The following RNF220 variants were observed in gnomAD, a reference collection of about 807,000 sequenced individuals.
RNF220 encodes ring finger protein 220.
A neutral mutation model predicts 67.1 loss-of-function variants in RNF220; 7 were observed. That is an observed-to-expected ratio of 0.10 (90% CI 0.06 to 0.20). The LOEUF is 0.20. Ranked by LOEUF, RNF220 falls within the 10% of genes least tolerant of loss-of-function variation. The pLI is 1.00. For synonymous variants in RNF220, 270 were observed against 283.2 expected (o/e 0.95, Z 0.47); for missense variants, 565 against 740.3 (o/e 0.76, Z 2.75).
At chr1:44,478,272 A>G (rs1572626884) in intron 2 of RNF220, among the ~76,000 whole-genome samples, 2 of 152,086 alleles carry the variant, frequency 1.3e-5, no homozygotes, top group African/African-American at 2.4e-5. Flanking sequence ...TACTCAAATC[A>G]TGGTACTTGG....
intron 2 of RNF220, among the ~76,000 whole-genome samples, chr1:44,520,124 T>TGAGA (rs1408246901): frequency 7.0e-6 from 1 of 142,712 alleles, no homozygotes; most frequent in African/African-American, 2.7e-5. Flanking sequence ...TGTGTGTGTG[T>TGAGA]GTGTGAGAGA....
chr1:44,454,670 G>A (rs977526419), intron 2 of RNF220, among the ~76,000 whole-genome samples: 1 of 149,124 alleles, frequency 6.7e-6, no homozygotes, highest in Non-Finnish European at 1.5e-5. Flanking sequence ...TTTTTTTTAA[G>A]TCAGATTTAT....
rs994409006 is a variant in RNF220 at position 44,494,362 on chromosome 1, A to T, written c.625+81640A>T. ...TGATTGATGTACAAGCGAGAAAAAG[A>T]AATTAATTCAACTAGAGATATTCTC... is the stretch of plus-strand genomic sequence containing the variant. On this transcript the variant is annotated intron_variant, in intron 2 of 14. Transcript: ENST00000361799. Among the ~76,000 whole-genome samples, 4 of 152,216 alleles carry T rather than the reference A, an allele frequency of 2.6e-5. No homozygotes were observed. The East Asian group carries it at 7.7e-4, about 29-fold the overall frequency.
Position 44,520,503 on chromosome 1 carries a change from C to T in RNF220, c.626-93662C>T, listed in dbSNP as rs536031554. On this transcript the variant is annotated intron_variant, in intron 2 of 14. Coordinates refer to ENST00000361799, the MANE Select transcript of RNF220 (RefSeq NM_018150.4). ...GAAACTACATGACTCTCAGTTCTGACGTTCATGGGCAACTTAACTCCCTGC... is the reference window on the plus strand; with the variant it reads ...GAAACTACATGACTCTCAGTTCTGATGTTCATGGGCAACTTAACTCCCTGC... 1.0e-3 allele frequency among the ~76,000 whole-genome samples: 153 copies of T among 152,234 alleles called. 2 individuals are homozygous for T. Among genetic ancestry groups the T allele is most frequent in the African/African-American group, 3.4e-3 (140 of 41,566 alleles).
chr1:44,454,817 C>A (rs1308767588), intron 2 of RNF220, among the ~76,000 whole-genome samples: 1 of 152,114 alleles, frequency 6.6e-6, no homozygotes, highest in East Asian at 1.9e-4. Flanking sequence ...TCCCTTCATT[C>A]CCCTTTGTAG....
intron 5 of RNF220, among the ~76,000 whole-genome samples, chr1:44,628,994 G>A (rs574875655): frequency 2.6e-5 from 4 of 152,356 alleles, no homozygotes; most frequent in South Asian, 4.1e-4. Context: ...TGCTGTGGTT[G>A]ACTGGGCATT....
intron 2 of RNF220, among the ~76,000 whole-genome samples, chr1:44,550,091 T>C (rs1662504822): frequency 6.6e-6 from 1 of 152,208 alleles, no homozygotes; most frequent in Non-Finnish European, 1.5e-5. Context: ...TCAGGCCCTA[T>C]GGCTCAATTG....
At chr1:44,407,867 G>A (rs1023783081) in intron 1 of RNF220, among the ~76,000 whole-genome samples, 1 of 152,292 alleles carries the variant, frequency 6.6e-6, no homozygotes, top group Non-Finnish European at 1.5e-5. Flanking sequence ...GCTGCTCGGG[G>A]GCTGGAGGTC....
At chr1:44,500,861 G>C (rs1657781534) in intron 2 of RNF220, among the ~76,000 whole-genome samples, 1 of 152,180 alleles carries the variant, frequency 6.6e-6, no homozygotes, top group Admixed American at 6.5e-5. Flanking sequence ...TTGGTCTGCG[G>C]CTCCAGGTCC....
rs533245228 is a variant in RNF220, at chr1:44,568,792, T to C, written c.626-45373T>C. On this transcript the variant is annotated intron_variant, in intron 2 of 14. Coordinates refer to ENST00000361799, the MANE Select transcript of RNF220 (RefSeq NM_018150.4). ...AACATGTTGTGTAGCTTAGAACTTA[T>C]TATCTCTGTGCCCTTTTATTCTTTC... 5.3e-5 allele frequency among the ~76,000 whole-genome samples: 8 copies of C among 152,288 alleles called. No individual in the cohort carries two copies. The South Asian group carries it at 1.5e-3, about 28-fold the overall frequency.
At chr1:44,450,742 C>CATGAA (rs1652585319) in intron 2 of RNF220, among the ~76,000 whole-genome samples, 2 of 152,130 alleles carry the variant, frequency 1.3e-5, no homozygotes, top group Non-Finnish European at 2.9e-5. Context: ...AATTTACTTC[C>CATGAA]AGTTTTTCAT....
chr1:44,635,471 A>C, intron 6 of RNF220, 74 bp from the exon 7 acceptor site: 2 of 1,572,192 alleles, frequency 1.3e-6, no homozygotes, highest in Non-Finnish European at 1.7e-6. Flanking sequence ...AGGATGTGTC[A>C]GCTCCACTGG....
At chr1:44,466,520 A>G (rs779853501) in intron 2 of RNF220, among the ~76,000 whole-genome samples, 19 of 152,242 alleles carry the variant, frequency 1.2e-4, no homozygotes, top group Non-Finnish European at 2.5e-4. Context: ...CATCGGAGGA[A>G]TCACTATTTA....
At chr1:44,433,963 A>AAAAAT (rs755659449) in intron 2 of RNF220, among the ~76,000 whole-genome samples, 11 of 152,300 alleles carry the variant, frequency 7.2e-5, no homozygotes, top group South Asian at 2.1e-4. Context: ...CTCTGTCTTA[A>AAAAAT]AAAATAAAAT....
chr1:44,632,150 C>T, intron 5 of RNF220, 193 bp from the exon 6 acceptor site: 1 of 1,542,424 alleles, frequency 6.5e-7, no homozygotes, highest in Non-Finnish European at 8.8e-7. Flanking sequence ...CAGCGCCCGG[C>T]GGCTATGCCG....
In RNF220 at chr1:44,565,077, A is replaced by G. The variant is rs547806470; in HGVS notation, c.626-49088A>G. 8.5e-5 allele frequency among the ~76,000 whole-genome samples: 13 copies of G among 152,316 alleles called. No homozygotes were observed. Among genetic ancestry groups the G allele is most frequent in the African/African-American group, 2.4e-4 (10 of 41,580 alleles). On this transcript the variant is annotated intron_variant, in intron 2 of 14. Transcript: ENST00000361799. The surrounding 1 kb of genome is among the most constrained non-coding windows in gnomAD (Gnocchi z 4.2). The stretch of plus-strand genomic sequence containing the variant: ...CCTGAATCAACTCCATCCCCTGCGC[A>G]TAGCATGGGCCTGGCCTTAGGACAT...
At chr1:44,547,345 T>C (rs1464600741) in intron 2 of RNF220, among the ~76,000 whole-genome samples, 1 of 152,240 alleles carries the variant, frequency 6.6e-6, no homozygotes, top group Non-Finnish European at 1.5e-5. Context: ...GCCACAGTCC[T>C]TACCTCTTTG....
In RNF220 at chr1:44,412,193, T is replaced by G. The variant is rs1193076251; in HGVS notation, c.96T>G (p.Ala32=). 2.5e-6 allele frequency: 4 copies of G among 1,614,082 alleles called. No homozygotes were observed. In the East Asian group the frequency reaches 6.7e-5, roughly 27 times the overall value. Residue 32 remains alanine, a synonymous_variant, in exon 2 of 15, where the codon GCT becomes GCG. Transcript: ENST00000361799. This position sits in a 1 kb window ranked among gnomAD's most constrained non-coding sequence, Gnocchi z 5.3. ...CACTGATGGTCCTGGCATCCACGGC[T>G]GAGGCCAGCCGTGATGCTTCCATCC... ...SPALMVLAST[A]EASRDASIPC...
At chr1:44,567,077 G>A (rs147549234) in intron 2 of RNF220, among the ~76,000 whole-genome samples, 39 of 152,276 alleles carry the variant, frequency 2.6e-4, no homozygotes, top group African/African-American at 8.2e-4. Flanking sequence ...TAATGCATCC[G>A]TAAGACACTT....
Sources: allele counts gnomAD v4.1 joint callset (sites outside exome capture counted in the v4.1 genomes callset), GRCh38; gene constraint gnomAD v4.1.1; non-coding constraint Gnocchi (gnomAD v3.1); transcripts MANE v1.5; gene names NCBI Gene and HGNC (gene_info 2026-07-23, HGNC 2026-07-21).